LPCAT3: variants seen among roughly 807,000 people sequenced by gnomAD.
LPCAT3 encodes lysophosphatidylcholine acyltransferase 3, also known as lysophospholipid acyltransferase 5.
Under a neutral mutation model 63.4 loss-of-function variants are expected in LPCAT3, and 21 were observed. The ratio of observed to expected loss-of-function variants is 0.33; its 90% CI spans 0.23 to 0.48. The LOEUF is 0.48. Among genes scored for constraint, LPCAT3 ranks in the 20% least tolerant of loss-of-function variants. The pLI is 0.99. For missense variants in LPCAT3, 451 were observed against 590.6 expected, an observed-to-expected ratio of 0.76 and a Z score of 2.45; for synonymous variants, 242 against 227.5, an observed-to-expected ratio of 1.06 and a Z score of -0.58.
At chr12:6,985,186 TC>T (rs1946509863) in intron 1 of LPCAT3, among the ~76,000 whole-genome samples, 2 of 145,798 alleles carry the variant, frequency 1.4e-5, no homozygotes, top group Non-Finnish European at 3.0e-5. Context: ...GGACAGGAGA[TC>T]GAGACTATCC....
At chr12:6,989,344 CTG>C (rs1555155193) in intron 1 of LPCAT3, among the ~76,000 whole-genome samples, 1 of 141,566 alleles carries the variant, frequency 7.1e-6, no homozygotes, top group South Asian at 2.3e-4. Flanking sequence ...GACAGAGTCT[CTG>C]TCGCCCAGGC....
intron 1 of LPCAT3, among the ~76,000 whole-genome samples, chr12:7,005,045 A>G (rs782595674): frequency 6.6e-6 from 1 of 152,298 alleles, no homozygotes; most frequent in Admixed American, 6.5e-5. Flanking sequence ...CATCTCTGCT[A>G]TCTAATGCCA....
chr12:7,015,600 CGTCCACA>C (rs1362988161), intron 1 of LPCAT3, among the ~76,000 whole-genome samples: 1 of 152,154 alleles, frequency 6.6e-6, no homozygotes, highest in Admixed American at 6.5e-5. Flanking sequence ...CAATCCTACC[CGTCCACA>C]TGATGAGCTA....
At position 6,976,273 on chromosome 12, in the gene LPCAT3, C is replaced by G. The variant is rs113939726; in HGVS notation, c.*631G>C. ...AGGCAGGGCCTTGCACCCCTCTCCACCCCCCCATGGGGGGGGTGGTGGTAG... is the reference window on the plus strand; with the variant it reads ...AGGCAGGGCCTTGCACCCCTCTCCAGCCCCCCATGGGGGGGGTGGTGGTAG... On this transcript the variant is annotated 3_prime_UTR_variant, in exon 13 of 13. Coordinates refer to ENST00000261407, the MANE Select transcript of LPCAT3 (RefSeq NM_005768.6). The G allele has an allele frequency of 4.7e-4, 72 of 153,674 alleles. No individual in the cohort carries two copies. The highest frequency in any genetic ancestry group is 8.7e-4 in the Non-Finnish European group (60 of 69,080). 9.5% of individuals were successfully genotyped at this position (153,674 alleles called of 1,614,324 possible). A position where few individuals can be genotyped will look rare whatever the true frequency, so the allele number is the denominator to read the frequency against.
At chr12:6,986,507 G>A (rs1478126678) in intron 1 of LPCAT3, among the ~76,000 whole-genome samples, 1 of 152,114 alleles carries the variant, frequency 6.6e-6, no homozygotes, top group African/African-American at 2.4e-5. Flanking sequence ...ATATGTGGCC[G>A]GGTGTGGTGG....
intron 1 of LPCAT3, among the ~76,000 whole-genome samples, chr12:6,994,507 C>G (rs1946619568): frequency 6.6e-6 from 1 of 151,342 alleles, no homozygotes; most frequent in East Asian, 1.9e-4. Flanking sequence ...CGGGCTGTTG[C>G]CCACGCTGGA....
chr12:7,012,658 C>A (rs1182783260), intron 1 of LPCAT3, among the ~76,000 whole-genome samples: 1 of 152,140 alleles, frequency 6.6e-6, no homozygotes, highest in African/African-American at 2.4e-5. Context: ...AGTTATGATA[C>A]CAATACTGTC....
Position 6,982,530 on chromosome 12 carries a change from GCCACCTA to G in LPCAT3, c.366+139_366+145del, listed in dbSNP as rs1591547385. 9.6e-6 allele frequency: 6 copies of G among 625,848 alleles called. No individual in the cohort carries two copies. The East Asian group carries it at 1.7e-4, about 17-fold the overall frequency. 38.8% of individuals were successfully genotyped at this position (625,848 alleles called of 1,614,324 possible). ...GATGGAACACTTGGGCCTGTGATAA[GCCACCTA>G]CCTGAAGTCATACTGCTAAGTGCTG... On this transcript the variant is annotated intron_variant, in intron 3 of 12. Coordinates refer to ENST00000261407, the MANE Select transcript of LPCAT3 (RefSeq NM_005768.6).
chr12:6,981,860 G>A lies in LPCAT3; in HGVS notation c.411C>T (p.Tyr137=), dbSNP rs60718946. ...AATGTGGCATTGTCCACTTGATATC[G>A]TAGTTGCCGGTGGCAGTGTAATAGT... ...AGYYYTATGN[Y]DIKWTMPHCV... Residue 137 remains tyrosine (Y), a synonymous_variant, in exon 4 of 13, where the codon TAC becomes TAT. Coordinates refer to ENST00000261407, the MANE Select transcript of LPCAT3 (RefSeq NM_005768.6). 5.9e-3 allele frequency: 9,563 copies of A among 1,613,806 alleles called. 417 individuals are homozygous for A. In the African/African-American group the frequency reaches 0.091, roughly 15 times the overall value.
Position 6,981,030 on chromosome 12 carries a change from A to G in LPCAT3, c.651T>C (p.Ile217=), listed in dbSNP as rs782141427. The change falls in exon 6 of 13, where the codon ATT becomes ATC. Residue 217 remains isoleucine (I), a synonymous_variant. Transcript: ENST00000261407. The part of the protein sequence containing the change: ...HYMKLVQGEL[I]DIPGKIPNSI... Reference sequence around the variant, plus strand: ...TGTTTGGTATCTTTCCTGGTATGTCAATCAGCTCTCCCTGCACCAGCTTCA... The same window carrying G: ...TGTTTGGTATCTTTCCTGGTATGTCGATCAGCTCTCCCTGCACCAGCTTCA... 1.2e-6 allele frequency: 2 copies of G among 1,604,676 alleles called. No homozygotes were observed. The highest frequency in any genetic ancestry group is 1.1e-5 in the South Asian group (1 of 89,778).
At chr12:7,002,968 C>T (rs1377689777) in intron 1 of LPCAT3, among the ~76,000 whole-genome samples, 1 of 152,048 alleles carries the variant, frequency 6.6e-6, no homozygotes, top group Non-Finnish European at 1.5e-5. Flanking sequence ...GAGATGGCAC[C>T]ACTGCACTCC....
rs1555153375 is a variant in LPCAT3 at position 6,977,299 on chromosome 12, G to C, written c.1348-37C>G. ...GAGGCCACTAAGGTAGACAGGCCTG[G>C]AGTGTCCTTTGCAACCTTTGAGGTT... On this transcript the variant is annotated intron_variant, in intron 11 of 12. Coordinates refer to ENST00000261407, the MANE Select transcript of LPCAT3 (RefSeq NM_005768.6). This position sits in a 1 kb window ranked among gnomAD's most constrained non-coding sequence, Gnocchi z 4.5. 3 of 1,611,392 alleles carry C rather than the reference G, an allele frequency of 1.9e-6. No individual in the cohort carries two copies. Among genetic ancestry groups the C allele is most frequent in the Admixed American group, 3.3e-5 (2 of 59,998 alleles).
chr12:7,010,792 T>C (rs939185520), intron 1 of LPCAT3, among the ~76,000 whole-genome samples: 19 of 152,308 alleles, frequency 1.2e-4, no homozygotes, highest in African/African-American at 4.3e-4. Flanking sequence ...TGATGTTTTA[T>C]GGAATGTAAG....
At chr12:7,015,919 ATTATGTCAACAAACAAAAGTTGAATTCT>A (rs1199266930) in intron 1 of LPCAT3, among the ~76,000 whole-genome samples, 6 of 152,210 alleles carry the variant, frequency 3.9e-5, no homozygotes, top group Admixed American at 6.5e-5. Context: ...GCAATATGTG[ATTATGTCAACAAACAAAAGTTGAATTCT>A]TTATGTCAAC....
rs2138327304 is a variant in LPCAT3, at chr12:6,977,863, GC to G, written c.1041-119del. On this transcript the variant is annotated intron_variant, in intron 9 of 12. Coordinates refer to ENST00000261407, the MANE Select transcript of LPCAT3 (RefSeq NM_005768.6). The surrounding 1 kb of genome is among the most constrained non-coding windows in gnomAD (Gnocchi z 4.5). The stretch of plus-strand genomic sequence containing the variant: ...GAGTGCTGGTGGGTTCCCACGTGTA[GC>G]CCCCAGAGGGTACAGGAGGCAGTGC... 4.2e-6 allele frequency: 5 copies of G among 1,187,978 alleles called. No individual in the cohort carries two copies. The highest frequency in any genetic ancestry group is 4.9e-6 in the Non-Finnish European group (4 of 817,516). The allele number at this position is 1,187,978 out of a possible 1,614,324, so 73.6% of individuals were successfully genotyped here. A position where few individuals can be genotyped will look rare whatever the true frequency, so the allele number is the denominator to read the frequency against.
chr12:6,999,251 A>G (rs1057177946), intron 1 of LPCAT3, among the ~76,000 whole-genome samples: 1 of 152,222 alleles, frequency 6.6e-6, no homozygotes, highest in Non-Finnish European at 1.5e-5. Flanking sequence ...CATTTCTGAA[A>G]GTTACCTCCA....
rs782767390 is a variant in LPCAT3, at chr12:7,002,035, G to C, written c.151+16239C>G. Among the ~76,000 whole-genome samples, 9 of 152,242 alleles carry C rather than the reference G, an allele frequency of 5.9e-5. No homozygotes were observed. In the South Asian group the frequency reaches 1.9e-3, roughly 32 times the overall value. On this transcript the variant is annotated intron_variant, in intron 1 of 12. Transcript: ENST00000261407. Reference sequence around the variant, plus strand: ...AACTGTTTCGGTCCAGGAGTGGAAAGGACTGTAGAAGCAATCTAGCACAGC... The same window carrying C: ...AACTGTTTCGGTCCAGGAGTGGAAACGACTGTAGAAGCAATCTAGCACAGC...
In LPCAT3 at chr12:6,977,702, A is replaced by G. The variant is rs1565596252; in HGVS notation, c.1084T>C (p.Ser362Pro). 6.2e-7 allele frequency: 1 copy of G among 1,614,210 alleles called. No individual in the cohort carries two copies. Among genetic ancestry groups the G allele is most frequent in the East Asian group, 2.2e-5 (1 of 44,888 alleles). Residue 362 changes from serine (S) to proline (P), a missense_variant, in exon 10 of 13, where the codon TCT becomes CCT. This residue lies in a region of LPCAT3 where 304 missense variants were observed against 390.8 expected (regional missense o/e 0.78). Transcript: ENST00000261407. The surrounding 1 kb of genome is among the most constrained non-coding windows in gnomAD (Gnocchi z 4.5). The part of the protein sequence containing the change: ...RLKFLGNKEL[S>P]QGLSLLFLAL... ...AGGAATAGCAACGAGAGACCCTGAG[A>G]GAGTTCTTTATTTCCAAGGAACTTG...
intron 8 of LPCAT3, 43 bp downstream of exon 8, chr12:6,978,560 A>G: frequency 1.2e-6 from 2 of 1,613,390 alleles, no homozygotes; most frequent in Non-Finnish European, 1.7e-6. Context: ...ACTGGCCCCC[A>G]TGGCTTGTCT....
Sources: allele counts gnomAD v4.1 joint callset (sites outside exome capture counted in the v4.1 genomes callset), GRCh38; gene constraint gnomAD v4.1.1; regional missense constraint gnomAD v4.1.1; non-coding constraint Gnocchi (gnomAD v3.1); transcripts MANE v1.5; gene names NCBI Gene and HGNC (gene_info 2026-07-23, HGNC 2026-07-21).